The following AGBL4 variants were observed in gnomAD, a reference collection of about 807,000 sequenced individuals.
AGBL4 encodes cytosolic carboxypeptidase 6.
Under a neutral mutation model 66.4 loss-of-function variants are expected in AGBL4, and 58 were observed. The observed-to-expected ratio is 0.87, with a 90% CI of 0.71 to 1.09. AGBL4 has a LOEUF of 1.09. AGBL4 is among the 50% of genes least tolerant of loss of function. The pLI is 0.00. For missense variants in AGBL4, 579 were observed against 631.0 expected (o/e 0.92, Z 0.88); for synonymous variants, 234 against 222.9 (o/e 1.05, Z -0.44).
At chr1:49,783,332 T>A (rs1644379525) in intron 2 of AGBL4, among the ~76,000 whole-genome samples, 1 of 152,158 alleles carries the variant, frequency 6.6e-6, no homozygotes, top group Non-Finnish European at 1.5e-5. Context: ...TTGATATCAT[T>A]ACCAAATTGA....
At chr1:49,134,023 A>G (rs944466779) in intron 4 of AGBL4, among the ~76,000 whole-genome samples, 6 of 152,072 alleles carry the variant, frequency 3.9e-5, no homozygotes, top group African/African-American at 1.4e-4. Flanking sequence ...TAAGAAATTA[A>G]GGGAAAGAGT....
chr1:49,400,013 A>G (rs1296096970), intron 3 of AGBL4, among the ~76,000 whole-genome samples: 1 of 151,962 alleles, frequency 6.6e-6, no homozygotes, highest in East Asian at 1.9e-4. Context: ...TTTTGATTTG[A>G]TTTTTGTATA....
intron 4 of AGBL4, among the ~76,000 whole-genome samples, chr1:49,220,178 G>A (rs1395435392): frequency 6.6e-6 from 1 of 152,106 alleles, no homozygotes; most frequent in Non-Finnish European, 1.5e-5. Flanking sequence ...AAATGAATTG[G>A]AACTTGGAAA....
At chr1:49,389,517 C>T (rs142780607) in intron 3 of AGBL4, among the ~76,000 whole-genome samples, 15 of 152,192 alleles carry the variant, frequency 9.9e-5, no homozygotes, top group East Asian at 3.9e-4. Context: ...AGTATTAAAA[C>T]GTGGCTTCTT....
At chr1:49,043,418 G>C (rs1366240010) in intron 5 of AGBL4, among the ~76,000 whole-genome samples, 2 of 151,996 alleles carry the variant, frequency 1.3e-5, no homozygotes, top group Non-Finnish European at 2.9e-5. Flanking sequence ...CTTAACTGAA[G>C]GTCACCAATT....
At chr1:49,582,802 T>C (rs1644570408) in intron 3 of AGBL4, among the ~76,000 whole-genome samples, 1 of 152,186 alleles carries the variant, frequency 6.6e-6, no homozygotes, top group Admixed American at 6.5e-5. Context: ...ATCTCCCTTA[T>C]TGCGGATTTT....
chr1:49,203,874 G>A (rs780996259), intron 4 of AGBL4, among the ~76,000 whole-genome samples: 1 of 152,172 alleles, frequency 6.6e-6, no homozygotes, highest in Non-Finnish European at 1.5e-5. Context: ...ACAACAATAT[G>A]CATGTAGTTA....
intron 3 of AGBL4, among the ~76,000 whole-genome samples, chr1:49,501,723 T>C (rs573701170): frequency 6.6e-6 from 1 of 152,124 alleles, no homozygotes; most frequent in Admixed American, 6.5e-5. Flanking sequence ...AGATTTTTCT[T>C]ATTTTTTAAT....
At chr1:49,338,363 A>G (rs1645477215) in intron 3 of AGBL4, among the ~76,000 whole-genome samples, 1 of 152,254 alleles carries the variant, frequency 6.6e-6, no homozygotes. Flanking sequence ...CAACTCCTCC[A>G]TGTAACCTGA....
intron 1 of AGBL4, among the ~76,000 whole-genome samples, chr1:49,983,759 T>A (rs931143785): frequency 6.6e-6 from 1 of 152,216 alleles, no homozygotes; most frequent in African/African-American, 2.4e-5. Context: ...AAAGAAAAGA[T>A]TTTAAAATAT....
intron 4 of AGBL4, among the ~76,000 whole-genome samples, chr1:49,197,130 G>A (rs571716517): frequency 2.6e-5 from 4 of 152,222 alleles, no homozygotes; most frequent in East Asian, 1.9e-4. Context: ...TGCCTGGCCC[G>A]ATGTATGTTG....
chr1:49,543,439 T>C (rs1314641293), intron 3 of AGBL4, among the ~76,000 whole-genome samples: 1 of 151,994 alleles, frequency 6.6e-6, no homozygotes, highest in African/African-American at 2.4e-5. Context: ...AAAGGGGACA[T>C]GTAATGGTTT....
intron 2 of AGBL4, chr1:49,845,091 C>T (rs1471974131): frequency 6.9e-7 from 1 of 1,455,248 alleles, no homozygotes; most frequent in Middle Eastern, 1.8e-4. Context: ...GTCAGGAATG[C>T]AGAAAGGCCT....
At chr1:48,728,423 T>C (rs190556673) in intron 6 of AGBL4, among the ~76,000 whole-genome samples, 3 of 151,746 alleles carry the variant, frequency 2.0e-5, no homozygotes, top group South Asian at 2.1e-4. Context: ...TTAAATAAAA[T>C]AGTTTATTTT....
intron 3 of AGBL4, among the ~76,000 whole-genome samples, chr1:49,541,939 T>G (rs1423157198): frequency 6.6e-6 from 1 of 152,162 alleles, no homozygotes; most frequent in East Asian, 1.9e-4. Context: ...TACGTCTAGC[T>G]AAGGGATTGT....
intron 4 of AGBL4, among the ~76,000 whole-genome samples, chr1:49,126,861 A>G (rs1460707403): frequency 6.6e-6 from 1 of 152,138 alleles, no homozygotes; most frequent in East Asian, 1.9e-4. Flanking sequence ...AATACAGTAC[A>G]AAGCTTAGCA....
intron 1 of AGBL4, among the ~76,000 whole-genome samples, chr1:50,020,609 G>T (rs1055685295): frequency 6.6e-6 from 1 of 152,168 alleles, no homozygotes; most frequent in African/African-American, 2.4e-5. Flanking sequence ...AACGTAGTAT[G>T]TTGTAATACA....
At chr1:49,114,421 G>C (rs144765848) in intron 4 of AGBL4, among the ~76,000 whole-genome samples, 3,639 of 152,254 alleles carry the variant, frequency 0.024, 120 homozygotes, top group African/African-American at 0.083. Context: ...GTTGTGGCTG[G>C]TTTGATCTTC....
chr1:49,313,634 A>T (rs979818768), intron 3 of AGBL4, among the ~76,000 whole-genome samples: 3 of 152,052 alleles, frequency 2.0e-5, no homozygotes, highest in African/African-American at 7.2e-5. Context: ...TGTGATGATG[A>T]GCTTTTTTTC....
Sources: gnomAD v4.1 joint callset for allele counts (sites outside exome capture counted in the v4.1 genomes callset) on GRCh38, gnomAD v4.1.1 for gene constraint, MANE v1.5 for transcripts, NCBI Gene and HGNC (gene_info 2026-07-23, HGNC 2026-07-21) for gene names.